The following MAP3K1 variants were observed in gnomAD, a reference collection of about 807,000 sequenced individuals.
MAP3K1 encodes the protein MAP/ERK kinase kinase 1.
In MAP3K1, 36 loss-of-function variants were observed where a neutral mutation model predicts 144.2. The observed-to-expected ratio is 0.25, with a 90% confidence interval of 0.19 to 0.33. MAP3K1 has a LOEUF of 0.33. Among genes scored for constraint, MAP3K1 ranks in the 10% least tolerant of loss-of-function variants. The pLI is 1.00. For synonymous variants in MAP3K1, 718 were observed against 688.7 expected (o/e 1.04, Z -0.67); for missense variants, 1,650 against 1,881.9 (o/e 0.88, Z 2.28).
intron 1 of MAP3K1, among the ~76,000 whole-genome samples, chr5:56,820,134 G>A (rs1581202926): frequency 6.6e-6 from 1 of 152,000 alleles, no homozygotes; most frequent in Non-Finnish European, 1.5e-5. Context: ...CTGTGTGTGT[G>A]TATGATATCT....
chr5:56,877,193 TCTTA>T (rs1251236505), intron 10 of MAP3K1, among the ~76,000 whole-genome samples: 2 of 152,230 alleles, frequency 1.3e-5, no homozygotes, highest in African/African-American at 4.8e-5. Context: ...ATATTTTGCC[TCTTA>T]CTTAGTATTT....
intron 1 of MAP3K1, among the ~76,000 whole-genome samples, chr5:56,850,486 T>C (rs1011497324): frequency 1.3e-5 from 2 of 152,250 alleles, no homozygotes; most frequent in African/African-American, 4.8e-5. Context: ...GCTTCTTTAA[T>C]TATTATAATT....
chr5:56,844,748 T>C (rs1290335888), intron 1 of MAP3K1, among the ~76,000 whole-genome samples: 2 of 152,180 alleles, frequency 1.3e-5, no homozygotes, highest in Admixed American at 6.5e-5. Flanking sequence ...AGACCCTGTT[T>C]TATTTATCTT....
At chr5:56,888,468 A>G in intron 19 of MAP3K1, 111 bp downstream of exon 19, 2 of 904,248 alleles carry the variant, frequency 2.2e-6, no homozygotes, top group Admixed American at 2.0e-5. Context: ...AGGTAAATAA[A>G]TAGTCTGTAT....
intron 3 of MAP3K1, among the ~76,000 whole-genome samples, chr5:56,860,767 C>T (rs1156707898): frequency 6.6e-6 from 1 of 151,882 alleles, no homozygotes; most frequent in Non-Finnish European, 1.5e-5. Context: ...GCAGGAGAAT[C>T]GCTTGAACCC....
chr5:56,846,922 A>G (rs950194130), intron 1 of MAP3K1, among the ~76,000 whole-genome samples: 2 of 152,152 alleles, frequency 1.3e-5, no homozygotes, highest in African/African-American at 4.8e-5. Context: ...GTGCTTAGTA[A>G]TGTGTATTGG....
intron 1 of MAP3K1, among the ~76,000 whole-genome samples, chr5:56,828,731 A>ATTTAAAG (rs1746392219): frequency 6.6e-6 from 1 of 152,162 alleles, no homozygotes; most frequent in Non-Finnish European, 1.5e-5. Flanking sequence ...TAATTTTTTG[A>ATTTAAAG]CAACTTTGCT....
chr5:56,863,054 C>T (rs1370419297), intron 3 of MAP3K1, among the ~76,000 whole-genome samples: 5 of 152,170 alleles, frequency 3.3e-5, no homozygotes, highest in Non-Finnish European at 5.9e-5. Context: ...TCACAAACAG[C>T]CAGCCAGCCT....
chr5:56,833,252 C>T (rs575299781), intron 1 of MAP3K1, among the ~76,000 whole-genome samples: 1 of 152,308 alleles, frequency 6.6e-6, no homozygotes, highest in East Asian at 1.9e-4. Flanking sequence ...AGTGTTTTTA[C>T]AAGGCCAGGG....
Position 56,895,309 on chromosome 5 carries a change from A to G in MAP3K1, c.*1629A>G, listed in dbSNP as rs922494533. Reference sequence around the variant, plus strand: ...ATATTTGAAGAGTTAAAAATAGTACAGAAATGTGAAGTTTGGTATCTCTAA... The same window carrying G: ...ATATTTGAAGAGTTAAAAATAGTACGGAAATGTGAAGTTTGGTATCTCTAA... On this transcript the variant is annotated 3_prime_UTR_variant, in exon 20 of 20. Coordinates refer to ENST00000399503, the MANE Select transcript of MAP3K1 (RefSeq NM_005921.2). 1 of 232,026 alleles carries G rather than the reference A, an allele frequency of 4.3e-6. No individual in the cohort carries two copies. The highest frequency in any genetic ancestry group is 2.2e-5 in the African/African-American group (1 of 45,252). 14.4% of individuals were successfully genotyped at this position (232,026 alleles called of 1,614,324 possible).
intron 1 of MAP3K1, among the ~76,000 whole-genome samples, chr5:56,853,981 C>A (rs1338791574): frequency 6.6e-6 from 1 of 152,124 alleles, no homozygotes; most frequent in Non-Finnish European, 1.5e-5. Context: ...GTTAAAGAAG[C>A]CTCGTTAGGA....
In MAP3K1 at chr5:56,864,724, T is replaced by C. The variant is rs199912347; in HGVS notation, c.835-10T>C. On this transcript the variant is annotated splice_polypyrimidine_tract_variant and intron_variant, in intron 3 of 19. Transcript: ENST00000399503. ...GAGAAACGTACCTAATAAAAAAAAA[T>C]GTTGTGAAGTTTCAGAGTGGCAGAA... 1.2e-6 allele frequency: 2 copies of C among 1,613,432 alleles called. No homozygotes were observed. Among genetic ancestry groups the C allele is most frequent in the Non-Finnish European group, 1.7e-6 (2 of 1,179,728 alleles).
chr5:56,824,925 C>T (rs767116981), intron 1 of MAP3K1, among the ~76,000 whole-genome samples: 4 of 151,566 alleles, frequency 2.6e-5, no homozygotes, highest in Non-Finnish European at 5.9e-5. Context: ...TGATCTTTTC[C>T]GGTTTTTTAA....
At chr5:56,816,747 C>G (rs1745987368) in intron 1 of MAP3K1, among the ~76,000 whole-genome samples, 1 of 152,202 alleles carries the variant, frequency 6.6e-6, no homozygotes, top group South Asian at 2.1e-4. Context: ...CTCGCGGAGG[C>G]TTGCAGTCTT....
chr5:56,874,970 C>A, intron 9 of MAP3K1, 62 bp from the exon 10 acceptor site: 1 of 1,562,152 alleles, frequency 6.4e-7, no homozygotes, highest in South Asian at 1.1e-5. Context: ...ATGCTAAACT[C>A]AAAATGCTCT....
intron 3 of MAP3K1, among the ~76,000 whole-genome samples, chr5:56,863,210 T>A (rs554882593): frequency 6.6e-6 from 1 of 152,354 alleles, no homozygotes; most frequent in South Asian, 2.1e-4. Context: ...AGATCAGAGA[T>A]CTCTGAACTT....
chr5:56,816,418 G>T (rs1008397249), intron 1 of MAP3K1, among the ~76,000 whole-genome samples: 1 of 152,076 alleles, frequency 6.6e-6, no homozygotes, highest in Admixed American at 6.5e-5. Flanking sequence ...CGGCCCTGCG[G>T]CGGCGCCCCC....
chr5:56,882,324 CT>C lies in MAP3K1; in HGVS notation c.3127del (p.Ser1043ProfsTer39). On this transcript the variant is annotated frameshift_variant, in exon 14 of 20. Transcript: ENST00000399503. LOFTEE classifies it high-confidence loss of function. ...TCCTGAAAACAAAGACTCAGATAAACTTTCCCCAGTCTTTACTCAGTCAAGA... is the reference window on the plus strand; with the variant it reads ...TCCTGAAAACAAAGACTCAGATAAACTTCCCCAGTCTTTACTCAGTCAAGA... Reference protein sequence around the residue: ...NCPENKDSDKLSPVFTQSRPL... With the variant: ...NCPENKDSDKXSPVFTQSRPL... 1 of 1,614,182 alleles carries C rather than the reference CT, an allele frequency of 6.2e-7. No individual in the cohort carries two copies. Among genetic ancestry groups the C allele is most frequent in the Non-Finnish European group, 8.5e-7 (1 of 1,180,038 alleles).
intron 2 of MAP3K1, among the ~76,000 whole-genome samples, chr5:56,858,632 A>G (rs1747410133): frequency 6.6e-6 from 1 of 152,214 alleles, no homozygotes; most frequent in Non-Finnish European, 1.5e-5. Flanking sequence ...TCCAAATGGG[A>G]AAATTAGACT....
Sources: allele counts gnomAD v4.1 joint callset (sites outside exome capture counted in the v4.1 genomes callset), GRCh38; gene constraint gnomAD v4.1.1; transcripts MANE v1.5; gene names NCBI Gene and HGNC (gene_info 2026-07-23, HGNC 2026-07-21).